The following SNX10 variants were observed in gnomAD, a reference collection of about 807,000 sequenced individuals.
SNX10 encodes the protein sorting nexin-10.
Under a neutral mutation model 28.5 loss-of-function variants are expected in SNX10, and 25 were observed. That is an observed-to-expected ratio of 0.88 (90% CI 0.64 to 1.22). The LOEUF is 1.22. SNX10 is among the 50% of genes most tolerant of loss of function. SNX10 has a pLI of 0.00. For synonymous variants in SNX10, 62 were observed against 81.4 expected (o/e 0.76, Z 1.28); for missense variants, 223 against 242.6 (o/e 0.92, Z 0.54).
chr7:26,309,861 C>G (rs1786752019), intron 1 of SNX10, among the ~76,000 whole-genome samples: 1 of 152,144 alleles, frequency 6.6e-6, no homozygotes, highest in Non-Finnish European at 1.5e-5. Context: ...GGTGCCTTTT[C>G]CTTATTTGCA....
At chr7:26,332,649 C>G (rs1448822520) in intron 1 of SNX10, among the ~76,000 whole-genome samples, 1 of 152,082 alleles carries the variant, frequency 6.6e-6, no homozygotes, top group African/African-American at 2.4e-5. Flanking sequence ...TTGCCAAATC[C>G]AAGGCCATAG....
chr7:26,352,707 C>G (rs1788655836), intron 2 of SNX10, among the ~76,000 whole-genome samples: 1 of 152,078 alleles, frequency 6.6e-6, no homozygotes, highest in African/African-American at 2.4e-5. Context: ...TTAAACAATT[C>G]CTTCATATCA....
intron 3 of SNX10, among the ~76,000 whole-genome samples, chr7:26,363,212 GT>G (rs1338988861): frequency 6.6e-6 from 1 of 152,114 alleles, no homozygotes; most frequent in Non-Finnish European, 1.5e-5. Flanking sequence ...CTGCCATATC[GT>G]TAAAGATAAT....
At chr7:26,298,189 C>T (rs975963191) in intron 1 of SNX10, among the ~76,000 whole-genome samples, 2 of 151,996 alleles carry the variant, frequency 1.3e-5, no homozygotes, top group African/African-American at 2.4e-5. Context: ...CCATTGCACT[C>T]CAGCTTGGGC....
At position 26,348,470 on chromosome 7, in the gene SNX10, A is replaced by G. The variant is rs182577246; in HGVS notation, c.24+2004A>G. Among the ~76,000 whole-genome samples the G allele has an allele frequency of 4.1e-3, 618 of 152,374 alleles. 3 individuals are homozygous for G. The highest frequency in any genetic ancestry group is 6.0e-3 in the Non-Finnish European group (409 of 68,034). On this transcript the variant is annotated intron_variant, in intron 2 of 6. Coordinates refer to ENST00000338523, the MANE Select transcript of SNX10 (RefSeq NM_013322.3). The stretch of plus-strand genomic sequence containing the variant: ...CACAGACGCTGCTTTTTATAGAGAA[A>G]GAACACAAACGAGAACCAGCCAAAG...
chr7:26,321,126 G>C (rs540598012), intron 1 of SNX10, among the ~76,000 whole-genome samples: 2 of 152,322 alleles, frequency 1.3e-5, no homozygotes, highest in South Asian at 2.1e-4. Flanking sequence ...GTGAAAGTGT[G>C]AACATTGGCC....
chr7:26,372,241 G>A (rs1341880933), intron 6 of SNX10: 3 of 588,180 alleles, frequency 5.1e-6, no homozygotes, highest in African/African-American at 1.9e-5. Context: ...ATTAATGAAT[G>A]CAGTAGAAAT....
At chr7:26,354,446 G>C (rs1477995877) in intron 2 of SNX10, among the ~76,000 whole-genome samples, 1 of 152,176 alleles carries the variant, frequency 6.6e-6, no homozygotes, top group Non-Finnish European at 1.5e-5. Flanking sequence ...CACCCACCAG[G>C]CTCAAGCAAT....
intron 2 of SNX10, among the ~76,000 whole-genome samples, chr7:26,352,711 C>A (rs1788655996): frequency 6.6e-6 from 1 of 152,162 alleles, no homozygotes; most frequent in African/African-American, 2.4e-5. Context: ...ACAATTCCTT[C>A]ATATCATCAA....
intron 6 of SNX10, 71 bp from the exon 7 acceptor site, chr7:26,372,420 A>G (rs1789592665): frequency 2.1e-6 from 2 of 936,396 alleles, no homozygotes; most frequent in African/African-American, 3.3e-5. Context: ...CTCCTCTGTT[A>G]CTCAGGCTTT....
intron 1 of SNX10, among the ~76,000 whole-genome samples, chr7:26,320,410 T>A (rs1046673693): frequency 7.1e-6 from 1 of 141,234 alleles, no homozygotes; most frequent in Non-Finnish European, 1.6e-5. Flanking sequence ...TCTGGAATCT[T>A]CTTCTTTTTT....
chr7:26,325,870 G>C (rs1168407473), intron 1 of SNX10, among the ~76,000 whole-genome samples: 3 of 151,700 alleles, frequency 2.0e-5, no homozygotes, highest in Admixed American at 2.0e-4. Flanking sequence ...TGATACTACA[G>C]GTGTTCACCA....
At chr7:26,361,322 T>TA (rs1431325195) in intron 3 of SNX10, among the ~76,000 whole-genome samples, 1 of 152,242 alleles carries the variant, frequency 6.6e-6, no homozygotes, top group Non-Finnish European at 1.5e-5. Flanking sequence ...TGCACGCATC[T>TA]AAAATGCATG....
intron 1 of SNX10, among the ~76,000 whole-genome samples, chr7:26,326,440 AC>A (rs1336963669): frequency 1.3e-5 from 2 of 152,200 alleles, no homozygotes; most frequent in Admixed American, 6.5e-5. Context: ...CTGATCCCAC[AC>A]ATGGCTTGCA....
chr7:26,338,564 G>T (rs1788037295), intron 1 of SNX10, among the ~76,000 whole-genome samples: 1 of 152,104 alleles, frequency 6.6e-6, no homozygotes, highest in Non-Finnish European at 1.5e-5. Context: ...ACCACACCTG[G>T]CTAATTTTTT....
intron 1 of SNX10, among the ~76,000 whole-genome samples, chr7:26,339,199 G>A (rs919834678): frequency 4.6e-5 from 7 of 152,154 alleles, no homozygotes; most frequent in Non-Finnish European, 1.0e-4. Context: ...GACATCTTAA[G>A]CGTTAGAAGC....
intron 1 of SNX10, among the ~76,000 whole-genome samples, chr7:26,306,662 A>G (rs1786607369): frequency 6.6e-6 from 1 of 152,116 alleles, no homozygotes; most frequent in African/African-American, 2.4e-5. Flanking sequence ...CAGCCTCCCA[A>G]AGCACTGGGA....
At chr7:26,324,235 CTTATGA>C (rs1424410049) in intron 1 of SNX10, among the ~76,000 whole-genome samples, 4 of 151,490 alleles carry the variant, frequency 2.6e-5, no homozygotes, top group South Asian at 4.2e-4. Context: ...TGTGAAAACG[CTTATGA>C]TTATATCAAT....
Position 26,364,777 on chromosome 7 carries a change from C to T in SNX10, c.212+142C>T. 2 of 663,720 alleles carry T rather than the reference C, an allele frequency of 3.0e-6. No individual in the cohort carries two copies. Among genetic ancestry groups the T allele is most frequent in the Non-Finnish European group, 5.0e-6 (2 of 399,036 alleles). 41.1% of individuals were successfully genotyped at this position (663,720 alleles called of 1,614,324 possible). A position where few individuals can be genotyped will look rare whatever the true frequency, so the allele number is the denominator to read the frequency against. On this transcript the variant is annotated intron_variant, in intron 4 of 6. Coordinates refer to ENST00000338523, the MANE Select transcript of SNX10 (RefSeq NM_013322.3). This position sits in a 1 kb window ranked among gnomAD's most constrained non-coding sequence, Gnocchi z 4.9. The stretch of plus-strand genomic sequence containing the variant: ...ATATGTAGCTTTAGTTTCTTAGCTA[C>T]TGCATCTGAATTTAAAATTTATCAC...
Sources: gnomAD v4.1 joint callset for allele counts (sites outside exome capture counted in the v4.1 genomes callset) on GRCh38, gnomAD v4.1.1 for gene constraint, Gnocchi (gnomAD v3.1) non-coding constraint, MANE v1.5 for transcripts, NCBI Gene and HGNC (gene_info 2026-07-23, HGNC 2026-07-21) for gene names.